Variants in NRG3 observed in about 807,000 individuals in gnomAD.
The protein encoded by NRG3 is pro-neuregulin-3, membrane-bound isoform.
In NRG3, 31 loss-of-function variants were observed where a neutral mutation model predicts 66.9. The observed-to-expected ratio is 0.46, with a 90% CI of 0.35 to 0.63. NRG3 has a LOEUF of 0.63. Ranked by LOEUF, NRG3 falls within the 20% of genes least tolerant of loss-of-function variation. The pLI, the probability that NRG3 is intolerant of heterozygous loss-of-function variation, is 0.00. For missense variants in NRG3, 910 were observed against 878.9 expected, an observed-to-expected ratio of 1.04 and a Z score of -0.45; for synonymous variants, 393 against 359.4, an observed-to-expected ratio of 1.09 and a Z score of -1.06.
intron 1 of NRG3, among the ~76,000 whole-genome samples, chr10:81,968,711 A>G (rs1050287622): frequency 6.6e-6 from 1 of 152,226 alleles, no homozygotes; most frequent in African/African-American, 2.4e-5. Context: ...CTCTTACCTC[A>G]GGCCACAGAC....
chr10:82,429,809 C>A (rs1221547325), intron 2 of NRG3, among the ~76,000 whole-genome samples: 3 of 151,934 alleles, frequency 2.0e-5, no homozygotes, highest in Non-Finnish European at 4.4e-5. Flanking sequence ...GTTCATTTTT[C>A]TTTATTTGTT....
chr10:82,916,255 C>G (rs957486839), intron 4 of NRG3, among the ~76,000 whole-genome samples: 2 of 152,074 alleles, frequency 1.3e-5, no homozygotes, highest in Admixed American at 6.5e-5. Context: ...AGTTCAAGAC[C>G]AGCCTGGACA....
Position 82,358,805 on chromosome 10 carries a change from A to G in NRG3, c.890A>G (p.Tyr297Cys), listed in dbSNP as rs370478919. 2.5e-6 allele frequency: 4 copies of G among 1,614,170 alleles called. No homozygotes were observed. Among genetic ancestry groups the G allele is most frequent in the African/African-American group, 1.3e-5 (1 of 75,048 alleles). ...CCCTGCCGAGACAAGGACCTTGCAT[A>G]CTGTCTCAATGATGGCGAGTGCTTT... ...FKPCRDKDLA[Y>C]CLNDGECFVI... Residue 297 changes from tyrosine to cysteine, a missense_variant, in exon 2 of 9, where the codon TAC (tyrosine) becomes TGC (cysteine). Coordinates refer to ENST00000372141, the MANE Select transcript of NRG3 (RefSeq NM_001010848.4).
intron 4 of NRG3, among the ~76,000 whole-genome samples, chr10:82,945,140 T>C (rs1848897395): frequency 6.6e-6 from 1 of 152,230 alleles, no homozygotes; most frequent in Non-Finnish European, 1.5e-5. Flanking sequence ...CTTTTCTGTC[T>C]TTGAATTGCC....
chr10:82,537,467 C>A (rs2043239746), intron 2 of NRG3, among the ~76,000 whole-genome samples: 1 of 152,088 alleles, frequency 6.6e-6, no homozygotes, highest in Non-Finnish European at 1.5e-5. Flanking sequence ...ATTACATGAT[C>A]ATCCATCTTA....
chr10:82,158,773 A>G (rs2071363071), intron 1 of NRG3, among the ~76,000 whole-genome samples: 1 of 151,868 alleles, frequency 6.6e-6, no homozygotes, highest in African/African-American at 2.4e-5. Flanking sequence ...GTGGCATATT[A>G]TTTTTATGGG....
intron 3 of NRG3, among the ~76,000 whole-genome samples, chr10:82,799,125 A>G (rs2060921873): frequency 1.3e-5 from 2 of 152,190 alleles, no homozygotes; most frequent in Non-Finnish European, 2.9e-5. Flanking sequence ...ATTTCCAAGA[A>G]CAGAGTATAT....
chr10:82,256,362 A>G (rs146584455), intron 1 of NRG3, among the ~76,000 whole-genome samples: 3 of 152,092 alleles, frequency 2.0e-5, no homozygotes, highest in Admixed American at 1.3e-4. Context: ...GTTGCTTTCA[A>G]TGTACGTTAT....
intron 1 of NRG3, among the ~76,000 whole-genome samples, chr10:82,086,956 G>T (rs1441362317): frequency 6.6e-6 from 1 of 152,126 alleles, no homozygotes; most frequent in African/African-American, 2.4e-5. Context: ...CTTAGCACAG[G>T]TGAACAGCTG....
At chr10:82,055,122 C>T (rs1042318228) in intron 1 of NRG3, among the ~76,000 whole-genome samples, 1 of 151,976 alleles carries the variant, frequency 6.6e-6, no homozygotes, top group Non-Finnish European at 1.5e-5. Flanking sequence ...GAGCCACAGT[C>T]TCAGCTGCTG....
chr10:82,281,025 T>G (rs7099049), intron 1 of NRG3, among the ~76,000 whole-genome samples: 6 of 151,996 alleles, frequency 3.9e-5, no homozygotes, highest in Admixed American at 3.9e-4. Context: ...GTTCTATCTT[T>G]TGTGCAAAAT....
chr10:82,663,216 C>T (rs761784128), intron 2 of NRG3, among the ~76,000 whole-genome samples: 2 of 152,198 alleles, frequency 1.3e-5, no homozygotes, highest in Non-Finnish European at 2.9e-5. Flanking sequence ...TGGCAACTGA[C>T]AGTTTTCCCA....
intron 1 of NRG3, among the ~76,000 whole-genome samples, chr10:82,225,908 C>T (rs2076142868): frequency 6.6e-6 from 1 of 152,104 alleles, no homozygotes; most frequent in Non-Finnish European, 1.5e-5. Context: ...ATATTTCTGT[C>T]ATAATGTCAT....
Position 82,109,885 on chromosome 10 carries a change from A to G in NRG3, c.823+233722A>G, listed in dbSNP as rs144000749. On this transcript the variant is annotated intron_variant, in intron 1 of 8. Transcript: ENST00000372141. Reference sequence around the variant, plus strand: ...AGATCGTGCAGCTTGTAAGCAATCAACTTGGCACTTGTGACCTGGCTGTCT... The same window carrying G: ...AGATCGTGCAGCTTGTAAGCAATCAGCTTGGCACTTGTGACCTGGCTGTCT... Among the ~76,000 whole-genome samples, 911 of 152,250 alleles carry G rather than the reference A, an allele frequency of 6.0e-3. 4 individuals carry two copies. Among genetic ancestry groups the G allele is most frequent in the Middle Eastern group, 0.048 (14 of 294 alleles).
At chr10:82,132,502 T>TC (rs2068954812) in intron 1 of NRG3, among the ~76,000 whole-genome samples, 1 of 46,930 alleles carries the variant, frequency 2.1e-5, no homozygotes, top group Non-Finnish European at 5.6e-5. Context: ...GATATATATA[T>TC]ATCATATATA....
intron 1 of NRG3, among the ~76,000 whole-genome samples, chr10:82,108,555 A>G (rs764642926): frequency 1.3e-5 from 2 of 152,026 alleles, no homozygotes; most frequent in Admixed American, 6.6e-5. Flanking sequence ...TCCTTTTTTG[A>G]TAATCTGAAT....
At chr10:81,958,236 G>A (rs1850024518) in intron 1 of NRG3, among the ~76,000 whole-genome samples, 1 of 152,164 alleles carries the variant, frequency 6.6e-6, no homozygotes, top group South Asian at 2.1e-4. Flanking sequence ...CAGTTTGGTG[G>A]TTGGAGGTAT....
intron 1 of NRG3, among the ~76,000 whole-genome samples, chr10:82,165,982 T>G (rs1174505393): frequency 6.6e-6 from 1 of 151,654 alleles, no homozygotes; most frequent in African/African-American, 2.4e-5. Flanking sequence ...TGTTTTCTAC[T>G]TTTTTTAGAT....
intron 2 of NRG3, among the ~76,000 whole-genome samples, chr10:82,414,362 C>T (rs1274067049): frequency 6.6e-6 from 1 of 152,040 alleles, no homozygotes; most frequent in Non-Finnish European, 1.5e-5. Context: ...ATGTCACTGT[C>T]TTATATGGGC....
Sources: gnomAD v4.1 joint callset for allele counts (sites outside exome capture counted in the v4.1 genomes callset) on GRCh38, gnomAD v4.1.1 for gene constraint, MANE v1.5 for transcripts, NCBI Gene and HGNC (gene_info 2026-07-23, HGNC 2026-07-21) for gene names.